The following RNF180 variants were observed in gnomAD, a reference collection of about 807,000 sequenced individuals.
RNF180 encodes ring finger protein 180, also known as E3 ubiquitin-protein ligase RNF180.
In RNF180, 38 loss-of-function variants were observed where a neutral mutation model predicts 59.2. The ratio of observed to expected loss-of-function variants is 0.64; its 90% CI spans 0.50 to 0.84. The LOEUF (loss-of-function observed/expected upper bound fraction) is 0.84. Among genes scored for constraint, RNF180 ranks in the 40% least tolerant of loss-of-function variants. The pLI is 0.00. For missense variants in RNF180, 705 were observed against 700.9 expected (o/e 1.01, Z -0.07); for synonymous variants, 262 against 240.3 (o/e 1.09, Z -0.84).
At chr5:64,295,942 T>C (rs1470613296) in intron 5 of RNF180, among the ~76,000 whole-genome samples, 2 of 152,188 alleles carry the variant, frequency 1.3e-5, no homozygotes, top group Non-Finnish European at 2.9e-5. Context: ...AGGAATGTTA[T>C]AGGGTTATTG....
chr5:64,364,799 G>A (rs1202996980), intron 7 of RNF180, among the ~76,000 whole-genome samples: 2 of 151,642 alleles, frequency 1.3e-5, no homozygotes, highest in East Asian at 1.9e-4. Context: ...AGTCTTGGGA[G>A]GGTATATGTG....
chr5:64,228,753 C>G (rs1285852881), intron 5 of RNF180, among the ~76,000 whole-genome samples: 1 of 151,966 alleles, frequency 6.6e-6, no homozygotes, highest in African/African-American at 2.4e-5. Context: ...GCTTAGATCA[C>G]TCACCTTTGT....
chr5:64,202,708 A>T (rs940627977), intron 2 of RNF180, among the ~76,000 whole-genome samples: 1 of 152,032 alleles, frequency 6.6e-6, no homozygotes, highest in African/African-American at 2.4e-5. Flanking sequence ...TTTAATTTTC[A>T]TTTCCTTGGT....
chr5:64,360,991 A>G (rs1246855683), intron 7 of RNF180, among the ~76,000 whole-genome samples: 1 of 151,664 alleles, frequency 6.6e-6, no homozygotes, highest in East Asian at 2.0e-4. Context: ...CCAAATGGAG[A>G]CACTCTGTCT....
intron 1 of RNF180, among the ~76,000 whole-genome samples, chr5:64,185,803 T>C (rs977380817): frequency 3.3e-5 from 5 of 152,202 alleles, no homozygotes; most frequent in Admixed American, 2.0e-4. Context: ...GAATCAGATG[T>C]ACTCATTAGT....
intron 1 of RNF180, among the ~76,000 whole-genome samples, chr5:64,189,240 T>G (rs1579959717): frequency 6.6e-6 from 1 of 152,178 alleles, no homozygotes; most frequent in East Asian, 1.9e-4. Context: ...TTTGGTACTG[T>G]GAATTGGTAT....
intron 7 of RNF180, among the ~76,000 whole-genome samples, chr5:64,345,242 C>T (rs370144703): frequency 3.7e-4 from 56 of 152,226 alleles, no homozygotes; most frequent in African/African-American, 1.3e-3. Context: ...CCAGGAAGCA[C>T]CTTTGGCTTA....
At chr5:64,359,457 C>G (rs1746159112) in intron 7 of RNF180, among the ~76,000 whole-genome samples, 1 of 151,978 alleles carries the variant, frequency 6.6e-6, no homozygotes, top group Admixed American at 6.6e-5. Flanking sequence ...CTGTTCATGT[C>G]CTTCGCCCAC....
intron 1 of RNF180, among the ~76,000 whole-genome samples, chr5:64,167,454 G>A (rs940367974): frequency 1.3e-5 from 2 of 151,880 alleles, no homozygotes; most frequent in South Asian, 4.2e-4. Flanking sequence ...TCAAAGTGAA[G>A]ATTTTTTCTT....
At chr5:64,238,229 T>G (rs374543529) in intron 5 of RNF180, among the ~76,000 whole-genome samples, 1 of 152,208 alleles carries the variant, frequency 6.6e-6, no homozygotes, top group African/African-American at 2.4e-5. Flanking sequence ...ATTTTCTTTA[T>G]GCATTAACCT....
In RNF180 at chr5:64,371,225, A is replaced by G. The variant is rs896533459; in HGVS notation, c.*1411A>G. ...ACACTAGACATCAAATCCAGAAATC[A>G]GAACACTAAGTACAATTTAGAAACA... On this transcript the variant is annotated 3_prime_UTR_variant, in exon 8 of 8. Coordinates refer to ENST00000389100, the MANE Select transcript of RNF180 (RefSeq NM_001113561.2). The G allele has an allele frequency of 6.6e-6, 1 of 151,694 alleles. No individual in the cohort carries two copies. The highest frequency in any genetic ancestry group is 2.4e-5 in the African/African-American group (1 of 41,406). The allele number at this position is 151,694 out of a possible 1,614,324, so 9.4% of individuals were successfully genotyped here.
At chr5:64,349,552 GTA>G (rs1416332258) in intron 7 of RNF180, among the ~76,000 whole-genome samples, 2 of 151,668 alleles carry the variant, frequency 1.3e-5, no homozygotes, top group Non-Finnish European at 2.9e-5. Flanking sequence ...TTTACATTAG[GTA>G]TATCTCCTAA....
At chr5:64,293,416 C>T (rs1487296199) in intron 5 of RNF180, among the ~76,000 whole-genome samples, 1 of 152,108 alleles carries the variant, frequency 6.6e-6, no homozygotes, top group African/African-American at 2.4e-5. Flanking sequence ...TTCTAATCGG[C>T]CACCTTGTCC....
At chr5:64,332,725 G>A (rs888935738) in intron 7 of RNF180, among the ~76,000 whole-genome samples, 15 of 152,092 alleles carry the variant, frequency 9.9e-5, no homozygotes, top group South Asian at 2.1e-4. Flanking sequence ...TTATGAAACC[G>A]TAGTTTATCA....
intron 7 of RNF180, among the ~76,000 whole-genome samples, chr5:64,366,172 A>G (rs1746440085): frequency 6.6e-6 from 1 of 151,004 alleles, no homozygotes; most frequent in Non-Finnish European, 1.5e-5. Context: ...GTGGTGACAA[A>G]TTCCCTCAGT....
At chr5:64,340,704 C>T (rs1171428312) in intron 7 of RNF180, among the ~76,000 whole-genome samples, 1 of 151,970 alleles carries the variant, frequency 6.6e-6, no homozygotes, top group African/African-American at 2.4e-5. Context: ...TTTGAAAAGG[C>T]CTGCAAATTC....
chr5:64,263,666 C>A (rs779384614), intron 5 of RNF180, among the ~76,000 whole-genome samples: 2 of 152,010 alleles, frequency 1.3e-5, no homozygotes, highest in African/African-American at 2.4e-5. Context: ...CATCATTGAT[C>A]CACATATTAA....
At chr5:64,176,733 A>G (rs553194305) in intron 1 of RNF180, among the ~76,000 whole-genome samples, 2 of 152,302 alleles carry the variant, frequency 1.3e-5, no homozygotes, top group South Asian at 4.1e-4. Flanking sequence ...TGATGGTTTG[A>G]TATCTGGAAA....
intron 1 of RNF180, among the ~76,000 whole-genome samples, chr5:64,168,744 T>C (rs1428869629): frequency 6.6e-6 from 1 of 152,180 alleles, no homozygotes; most frequent in Non-Finnish European, 1.5e-5. Flanking sequence ...CCTCAAAATA[T>C]AAAATTGCTA....
Sources: gnomAD v4.1 joint callset for allele counts (sites outside exome capture counted in the v4.1 genomes callset) on GRCh38, gnomAD v4.1.1 for gene constraint, MANE v1.5 for transcripts, NCBI Gene and HGNC (gene_info 2026-07-23, HGNC 2026-07-21) for gene names.